The following C9orf43 variants were observed in gnomAD, a reference collection of about 807,000 sequenced individuals.
The protein encoded by C9orf43 is chromosome 9 open reading frame 43, also known as uncharacterized protein C9orf43.
In C9orf43, 45 loss-of-function variants were observed where a neutral mutation model predicts 59.1. The observed-to-expected ratio is 0.76, with a 90% CI of 0.60 to 0.98. The LOEUF is 0.98. C9orf43 is among the 50% of genes least tolerant of loss of function. C9orf43 has a pLI of 0.00. For missense variants in C9orf43, 533 were observed against 554.9 expected (o/e 0.96, Z 0.40); for synonymous variants, 203 against 196.8 (o/e 1.03, Z -0.26).
chr9:113,424,745 C>T (rs1049250508), intron 8 of C9orf43, among the ~76,000 whole-genome samples: 2 of 151,932 alleles, frequency 1.3e-5, no homozygotes, highest in African/African-American at 4.8e-5. Flanking sequence ...AGGCTGGTTT[C>T]GAACTCCTGA....
At position 113,413,874 on chromosome 9, in the gene C9orf43, T is replaced by C. The variant is rs773920376; in HGVS notation, c.267T>C (p.Phe89=). 1 of 1,609,890 alleles carries C rather than the reference T, an allele frequency of 6.2e-7. No homozygotes were observed. The highest frequency in any genetic ancestry group is 1.3e-5 in the African/African-American group (1 of 74,754). The part of the protein sequence containing the change: ...AHSLLSQSSK[F]YSKFHGRPPK... ...CTTTATTGTCTCAGAGTTCAAAGTT[T>C]TACTCCAAATTTCATGGCAGGTAAA... is the stretch of plus-strand genomic sequence containing the variant. Residue 89 remains phenylalanine (F), a synonymous_variant, in exon 3 of 14, where the codon TTT becomes TTC. Transcript: ENST00000374165.
chr9:113,425,374 A>G lies in C9orf43; in HGVS notation c.896A>G (p.Gln299Arg), dbSNP rs1828749639. 1.9e-6 allele frequency: 3 copies of G among 1,613,760 alleles called. No homozygotes were observed. The highest frequency in any genetic ancestry group is 1.7e-6 in the Non-Finnish European group (2 of 1,179,708). ...AGGAAACAGCAGCAGCGGCAGCAGC[A>G]GCAGCAGCAGCAACAGAAGAAGGTG... Reference protein sequence around the residue: ...GYRKQQQRQQQQQQQQKKVKT... With the variant: ...GYRKQQQRQQRQQQQQKKVKT... Residue 299 changes from glutamine to arginine, a missense_variant, in exon 10 of 14, where the codon CAG becomes CGG. Physicochemically the swap from Gln to Arg is conservative, Grantham distance 43 (BLOSUM62 1). Transcript: ENST00000374165.
chr9:113,424,875 C>G (rs1260016256), intron 8 of C9orf43, 144 bp from the exon 9 acceptor site: 1 of 665,412 alleles, frequency 1.5e-6, no homozygotes, highest in East Asian at 2.7e-5. Flanking sequence ...TTCCCTTCCT[C>G]CGTAGCCCCT....
intron 11 of C9orf43, among the ~76,000 whole-genome samples, chr9:113,426,381 AC>A (rs1335338065): frequency 6.6e-6 from 1 of 152,204 alleles, no homozygotes; most frequent in African/African-American, 2.4e-5. Flanking sequence ...AAATTTTTCA[AC>A]TTGAGTGGAG....
chr9:113,414,859 C>G (rs1477412508), intron 3 of C9orf43, among the ~76,000 whole-genome samples: 1 of 151,886 alleles, frequency 6.6e-6, no homozygotes, highest in Non-Finnish European at 1.5e-5. Flanking sequence ...TTTCTTTTTT[C>G]TTTTTTGAGA....
rs199691637 is a variant in C9orf43 at position 113,425,746 on chromosome 9, G to A, written c.1030+16G>A. ...CGTCTCTATGGTAAGGGGAATATATGCTTGGTTGGGGGTGATAGGATCCCT... is the reference window on the plus strand; with the variant it reads ...CGTCTCTATGGTAAGGGGAATATATACTTGGTTGGGGGTGATAGGATCCCT... On this transcript the variant is annotated intron_variant, in intron 11 of 13. Coordinates refer to ENST00000374165, the MANE Select transcript of C9orf43 (RefSeq NM_001278629.2). The A allele has an allele frequency of 3.1e-6, 5 of 1,596,052 alleles. No individual in the cohort carries two copies. Among genetic ancestry groups the A allele is most frequent in the Non-Finnish European group, 4.3e-6 (5 of 1,163,532 alleles).
At position 113,410,778 on chromosome 9, in the gene C9orf43, T is replaced by TCCGTTAATCTCACCGCGC; in HGVS notation, c.-271_-254dup. On this transcript the variant is annotated 5_prime_UTR_variant, in exon 1 of 14. Coordinates refer to ENST00000374165, the MANE Select transcript of C9orf43 (RefSeq NM_001278629.2). ...CGAGGCAGGCTCTGGGCCCGCCGGG[T>TCCGTTAATCTCACCGCGC]CCGTTAATCTCACCGCGCCGCAAGG... 4.4e-6 allele frequency: 1 copy of TCCGTTAATCTCACCGCGC among 228,720 alleles called. No individual in the cohort carries two copies. Among genetic ancestry groups the TCCGTTAATCTCACCGCGC allele is most frequent in the Admixed American group, 5.6e-5 (1 of 17,706 alleles). 14.2% of individuals were successfully genotyped at this position (228,720 alleles called of 1,614,324 possible).
Position 113,413,787 on chromosome 9 carries a change from C to T in C9orf43, c.180C>T (p.Asp60=), listed in dbSNP as rs182482838. ...AACTCCCAGTGCTCACCGTGGTAGA[C>T]ATCTTAGATTCCGGCTTTGCAGCTC... is the stretch of plus-strand genomic sequence containing the variant. ...EDKLPVLTVV[D]ILDSGFAAHH... is the part of the protein sequence containing the mutation. The change falls in exon 3 of 14, where the codon GAC becomes GAT. Residue 60 remains aspartate, a synonymous_variant. Coordinates refer to ENST00000374165, the MANE Select transcript of C9orf43 (RefSeq NM_001278629.2). 9.3e-5 allele frequency: 150 copies of T among 1,614,000 alleles called. No homozygotes were observed. The highest frequency in any genetic ancestry group is 1.5e-4 in the African/African-American group (11 of 74,922).
chr9:113,422,463 G>C, intron 5 of C9orf43, 86 bp from the exon 6 acceptor site: 1 of 1,549,378 alleles, frequency 6.5e-7, no homozygotes, highest in Non-Finnish European at 8.8e-7. Context: ...TTCTGTTTAA[G>C]ATATCTGGGA....
At chr9:113,414,767 C>G (rs1025228620) in intron 3 of C9orf43, among the ~76,000 whole-genome samples, 3 of 151,980 alleles carry the variant, frequency 2.0e-5, no homozygotes, top group African/African-American at 7.3e-5. Context: ...GGGACTTTAA[C>G]GATGAATTTT....
At position 113,422,478 on chromosome 9, in the gene C9orf43, G is replaced by A. The variant is rs1452977391; in HGVS notation, c.447-71G>A. On this transcript the variant is annotated intron_variant, in intron 5 of 13. Transcript: ENST00000374165. ...TTCTGTTTAAGATATCTGGGAATAAGTTGTGCTTACTCTTATTTCAAGTCC... is the reference window on the plus strand; with the variant it reads ...TTCTGTTTAAGATATCTGGGAATAAATTGTGCTTACTCTTATTTCAAGTCC... The A allele has an allele frequency of 9.5e-6, 15 of 1,585,336 alleles. No individual in the cohort carries two copies. In the South Asian group the frequency reaches 1.5e-4, roughly 16 times the overall value.
intron 1 of C9orf43, 144 bp from the exon 2 acceptor site, chr9:113,413,301 G>T (rs1383888482): frequency 1.4e-6 from 1 of 723,584 alleles, no homozygotes; most frequent in Non-Finnish European, 2.1e-6. Flanking sequence ...ATACTTGCTT[G>T]TTATCCAATC....
intron 4 of C9orf43, chr9:113,420,711 TC>T: frequency 8.3e-6 from 8 of 966,848 alleles, no homozygotes; most frequent in Non-Finnish European, 9.8e-6. Flanking sequence ...TGCTTCTGTT[TC>T]TATCAGTTCT....
intron 10 of C9orf43, 68 bp from the exon 11 acceptor site, chr9:113,425,575 A>G (rs926015206): frequency 1.0e-4 from 162 of 1,544,762 alleles, no homozygotes; most frequent in Non-Finnish European, 1.4e-4. Context: ...TCTTTTTGAT[A>G]TTCCTTTTGA....
intron 11 of C9orf43, 39 bp downstream of exon 11, chr9:113,425,769 CCTGAGGGGTAGGTAT>C: frequency 6.6e-7 from 1 of 1,511,372 alleles, no homozygotes; most frequent in Non-Finnish European, 9.2e-7. Flanking sequence ...TGATAGGATC[CCTGAGGGGTAGGTAT>C]CTGAGGGCAG....
Position 113,413,530 on chromosome 9 carries a change from A to G in C9orf43, c.37A>G (p.Thr13Ala), listed in dbSNP as rs753395769. ...AGATGAGAGCCAGTGGGACGAAACC[A>G]CCTGTGGCTTGGCTGTTTGTCAGCA... ...LPDESQWDET[T>A]CGLAVCQHPQ... Residue 13 changes from threonine (T) to alanine (A), a missense_variant, in exon 2 of 14, where the codon ACC becomes GCC. Physicochemically the swap from Thr to Ala is moderately conservative, Grantham distance 58 (BLOSUM62 0). Transcript: ENST00000374165. The G allele has an allele frequency of 3.7e-6, 6 of 1,614,032 alleles. No homozygotes were observed. In the South Asian group the frequency reaches 5.5e-5, roughly 15 times the overall value.
At position 113,429,639 on chromosome 9, in the gene C9orf43, A is replaced by G. The variant is rs900049850; in HGVS notation, c.*253A>G. 5 of 438,682 alleles carry G rather than the reference A, an allele frequency of 1.1e-5. No individual in the cohort carries two copies. Among genetic ancestry groups the G allele is most frequent in the Middle Eastern group, 1.2e-3 (2 of 1,638 alleles). The allele number at this position is 438,682 out of a possible 1,614,324, so 27.2% of individuals were successfully genotyped here. A position where few individuals can be genotyped will look rare whatever the true frequency, so the allele number is the denominator to read the frequency against. ...TTTAAATTTAGATTATTTCCTTTCC[A>G]TTAGGGTCAGAATAATTTTGGTGAT... On this transcript the variant is annotated 3_prime_UTR_variant, in exon 14 of 14. Transcript: ENST00000374165.
intron 12 of C9orf43, 68 bp downstream of exon 12, chr9:113,428,291 A>C: frequency 7.2e-7 from 1 of 1,382,568 alleles, no homozygotes; most frequent in Non-Finnish European, 1.0e-6. Flanking sequence ...ACAACCCCAA[A>C]GCTTAACCAT....
Position 113,416,577 on chromosome 9 carries a change from T to C in C9orf43, c.288-2531T>C, listed in dbSNP as rs551683944. Among the ~76,000 whole-genome samples the C allele has an allele frequency of 2.6e-5, 4 of 152,346 alleles. 1 individual carries two copies. Among genetic ancestry groups the C allele is most frequent in the African/African-American group, 9.6e-5 (4 of 41,586 alleles). Reference sequence around the variant, plus strand: ...TTTCTCCCTTCCTTGTTGAGTAGGCTGCAGCTGCACTGCTCTTTCAATTCC... The same window carrying C: ...TTTCTCCCTTCCTTGTTGAGTAGGCCGCAGCTGCACTGCTCTTTCAATTCC... On this transcript the variant is annotated intron_variant, in intron 3 of 13. Coordinates refer to ENST00000374165, the MANE Select transcript of C9orf43 (RefSeq NM_001278629.2).
Sources: gnomAD v4.1 joint callset for allele counts (sites outside exome capture counted in the v4.1 genomes callset) on GRCh38, gnomAD v4.1.1 for gene constraint, MANE v1.5 for transcripts, NCBI Gene and HGNC (gene_info 2026-07-23, HGNC 2026-07-21) for gene names.